The following KNL1 variants were observed in gnomAD, a reference collection of about 807,000 sequenced individuals.
KNL1 encodes the protein outer kinetochore KNL1 complex subunit KNL1.
A neutral mutation model predicts 201.3 loss-of-function variants in KNL1; 66 were observed. The ratio of observed to expected loss-of-function variants is 0.33; its 90% CI spans 0.27 to 0.40. The LOEUF (loss-of-function observed/expected upper bound fraction) is 0.40. Among genes scored for constraint, KNL1 ranks in the 10% least tolerant of loss-of-function variants. KNL1 has a pLI of 1.00. For missense variants in KNL1, 2,815 were observed against 2,690.5 expected (o/e 1.05, Z -1.02); for synonymous variants, 895 against 899.2 (o/e 1.00, Z 0.08).
chr15:40,629,486 TTGC>T, intron 13 of KNL1, 115 bp downstream of exon 13: 1 of 451,450 alleles, frequency 2.2e-6, no homozygotes, highest in South Asian at 2.3e-5. Flanking sequence ...TTTTTTTTTT[TTGC>T]CTTTTCTTTT....
chr15:40,609,341 G>A (rs1314229482), intron 5 of KNL1, among the ~76,000 whole-genome samples: 3 of 152,052 alleles, frequency 2.0e-5, no homozygotes, highest in Non-Finnish European at 2.9e-5. Context: ...CTTCAGTTCA[G>A]GAGTTCTAGG....
At position 40,625,384 on chromosome 15, in the gene KNL1, C is replaced by G. The variant is rs200582185; in HGVS notation, c.5120C>G (p.Pro1707Arg). The change falls in exon 10 of 26, where the codon CCT (proline) becomes CGT (arginine). Residue 1707 changes from proline (P) to arginine (R), a missense_variant. Physicochemically the swap from Pro to Arg is moderately radical, Grantham distance 103. Coordinates refer to ENST00000399668, the MANE Select transcript of KNL1 (RefSeq NM_144508.5). Reference sequence around the variant, plus strand: ...GTTGCAGGTAAACTGAACCTAAGTCCTTCTCAATATATAAATGAGGAAAAT... The same window carrying G: ...GTTGCAGGTAAACTGAACCTAAGTCGTTCTCAATATATAAATGAGGAAAAT... ...GSVAGKLNLS[P>R]SQYINEENLP... 115 of 1,613,804 alleles carry G rather than the reference C, an allele frequency of 7.1e-5. No homozygotes were observed. The highest frequency in any genetic ancestry group is 9.7e-5 in the Non-Finnish European group (114 of 1,179,942).
intron 19 of KNL1, among the ~76,000 whole-genome samples, chr15:40,650,836 A>ATAAATG (rs1893534838): frequency 6.6e-6 from 1 of 152,126 alleles, no homozygotes. Flanking sequence ...TTTTTGTTTA[A>ATAAATG]TAAATGTAAA....
chr15:40,602,457 T>C (rs986114547), intron 1 of KNL1, among the ~76,000 whole-genome samples: 1 of 147,868 alleles, frequency 6.8e-6, no homozygotes, highest in African/African-American at 2.5e-5. Flanking sequence ...TTTTATATCT[T>C]CATAATGTAG....
chr15:40,611,028 G>A (rs556176834), intron 6 of KNL1, among the ~76,000 whole-genome samples: 2 of 151,618 alleles, frequency 1.3e-5, no homozygotes, highest in African/African-American at 2.4e-5. Context: ...GATTACAGGC[G>A]TGAGCCACCA....
At chr15:40,612,837 C>G (rs1892215506) in intron 7 of KNL1, among the ~76,000 whole-genome samples, 1 of 151,962 alleles carries the variant, frequency 6.6e-6, no homozygotes. Flanking sequence ...ATATTTTTAT[C>G]CAGTCAGTTA....
At chr15:40,604,578 C>T (rs561699426) in intron 2 of KNL1, among the ~76,000 whole-genome samples, 27 of 152,228 alleles carry the variant, frequency 1.8e-4, no homozygotes, top group Admixed American at 3.9e-4. Flanking sequence ...AAATTTTGTA[C>T]AATCGGGTTT....
At chr15:40,608,433 GAAA>G (rs1240921260) in intron 4 of KNL1, among the ~76,000 whole-genome samples, 2 of 80,974 alleles carry the variant, frequency 2.5e-5, no homozygotes, top group Admixed American at 1.4e-4. Context: ...AACCGTCTTG[GAAA>G]AAAAAAAAAA....
chr15:40,662,116 G>A lies in KNL1; in HGVS notation c.6879G>A (p.Glu2293=), dbSNP rs375584977. The A allele has an allele frequency of 6.3e-5, 102 of 1,612,468 alleles. No individual in the cohort carries two copies. The highest frequency in any genetic ancestry group is 3.7e-4 in the Admixed American group (22 of 59,986). ...IATILSKVPL[E]NNYLKNVVKQ... ...CCATTCTATCTAAAGTGCCACTGGA[G>A]AACAACTACCTGAAGAATGTAGTCA... Residue 2293 remains glutamate (E), a synonymous_variant, in exon 26 of 26, where the codon GAG becomes GAA. Transcript: ENST00000399668.
chr15:40,640,417 A>C (rs1317463661), intron 13 of KNL1, among the ~76,000 whole-genome samples: 2 of 152,060 alleles, frequency 1.3e-5, no homozygotes, highest in South Asian at 2.1e-4. Flanking sequence ...TCAATACTGC[A>C]TCAAGGACAT....
chr15:40,647,454 G>A (rs8041443), intron 17 of KNL1, among the ~76,000 whole-genome samples: 125,540 of 151,936 alleles, frequency 0.83, 53,088 homozygotes, highest in African/African-American at 0.91. Context: ...AGCCTGGGTG[G>A]CAGAGCGAGA....
chr15:40,617,599 G>A (rs1892381946), intron 8 of KNL1, among the ~76,000 whole-genome samples: 1 of 152,086 alleles, frequency 6.6e-6, no homozygotes, highest in South Asian at 2.1e-4. Context: ...ACCCTCTCTG[G>A]CAAAACTAAG....
chr15:40,630,728 C>T (rs1027851288), intron 13 of KNL1, among the ~76,000 whole-genome samples: 1 of 152,168 alleles, frequency 6.6e-6, no homozygotes, highest in African/African-American at 2.4e-5. Context: ...AGATGGGACC[C>T]TCTAGTTGCA....
intron 10 of KNL1, among the ~76,000 whole-genome samples, chr15:40,627,816 T>A (rs976199916): frequency 1.3e-5 from 2 of 152,178 alleles, no homozygotes; most frequent in Non-Finnish European, 2.9e-5. Flanking sequence ...GCTTACAGGA[T>A]CTGATTATAA....
chr15:40,635,042 G>A (rs996688153), intron 13 of KNL1, among the ~76,000 whole-genome samples: 6 of 142,650 alleles, frequency 4.2e-5, no homozygotes, highest in Non-Finnish European at 7.7e-5. Context: ...GTGGGCATCT[G>A]TTTCAGGATT....
intron 25 of KNL1, among the ~76,000 whole-genome samples, 188 bp from the exon 26 acceptor site, chr15:40,661,886 C>G (rs757528615): frequency 1.9e-4 from 28 of 151,112 alleles, no homozygotes; most frequent in Non-Finnish European, 3.7e-4. Flanking sequence ...ACTAAAAATA[C>G]AAAAATTAGC....
intron 3 of KNL1, among the ~76,000 whole-genome samples, chr15:40,605,823 CT>C (rs1169104783): frequency 6.6e-6 from 1 of 152,174 alleles, no homozygotes; most frequent in African/African-American, 2.4e-5. Context: ...TTTAGGCACA[CT>C]TACTGACCAG....
chr15:40,657,881 A>G (rs1325505534), intron 24 of KNL1, among the ~76,000 whole-genome samples: 2 of 152,170 alleles, frequency 1.3e-5, no homozygotes, highest in African/African-American at 2.4e-5. Flanking sequence ...GGAATTCAAC[A>G]TATGAATTTT....
chr15:40,610,257 G>T lies in KNL1; in HGVS notation c.210G>T (p.Thr70=). 2 of 1,496,764 alleles carry T rather than the reference G, an allele frequency of 1.3e-6. No individual in the cohort carries two copies. The allele number at this position is 1,496,764 out of a possible 1,614,324, so 92.7% of individuals were successfully genotyped here. A position where few individuals can be genotyped will look rare whatever the true frequency, so the allele number is the denominator to read the frequency against. ...SFADTIKVFQ[T]ESHMKIVRKS... ...TTTTCTCTTCTAGGGTATTCCAGAC[G>T]GAGTCTCATATGAAAATAGTGAGAA... Residue 70 remains threonine (T), a synonymous_variant, in exon 6 of 26, where the codon ACG becomes ACT. Transcript: ENST00000399668.
Sources: gnomAD v4.1 joint callset for allele counts (sites outside exome capture counted in the v4.1 genomes callset) on GRCh38, gnomAD v4.1.1 for gene constraint, MANE v1.5 for transcripts, NCBI Gene and HGNC (gene_info 2026-07-23, HGNC 2026-07-21) for gene names.